The following ZFAND4 variants were observed in gnomAD, a reference collection of about 807,000 sequenced individuals.
ZFAND4 encodes AN1-type zinc finger protein 4.
A neutral mutation model predicts 64.4 loss-of-function variants in ZFAND4; 43 were observed. The observed-to-expected ratio is 0.67, with a 90% CI of 0.52 to 0.86. The LOEUF (loss-of-function observed/expected upper bound fraction) is 0.86. ZFAND4 is among the 40% of genes least tolerant of loss of function. The probability of loss-of-function intolerance (pLI) is 0.00; values close to 1 mark genes in which losing one functional copy is unlikely to be tolerated. For missense variants in ZFAND4, 929 were observed against 859.8 expected, an observed-to-expected ratio of 1.08 and a Z score of -1.01; for synonymous variants, 296 against 305.7, an observed-to-expected ratio of 0.97 and a Z score of 0.33.
At chr10:45,621,964 G>A (rs1020755694) in intron 8 of ZFAND4, among the ~76,000 whole-genome samples, 1 of 152,228 alleles carries the variant, frequency 6.6e-6, no homozygotes, top group African/African-American at 2.4e-5. Context: ...CAGAAGAGCA[G>A]TGAGACGTGA....
intron 1 of ZFAND4, among the ~76,000 whole-genome samples, chr10:45,665,824 A>AT (rs1318780814): frequency 3.3e-5 from 5 of 152,202 alleles, no homozygotes; most frequent in African/African-American, 9.6e-5. Context: ...ATCATATATG[A>AT]TTTTTTTGTG....
Position 45,626,138 on chromosome 10 carries a change from C to A in ZFAND4, c.1685G>T (p.Gly562Val). The A allele has an allele frequency of 6.2e-7, 1 of 1,614,162 alleles. No individual in the cohort carries two copies. The highest frequency in any genetic ancestry group is 8.5e-7 in the Non-Finnish European group (1 of 1,180,042). The change falls in exon 7 of 10, where the codon GGT becomes GTT. Residue 562 changes from glycine to valine, a missense_variant. Physicochemically the swap from Gly to Val is moderately radical, Grantham distance 109. Coordinates refer to ENST00000344646, the MANE Select transcript of ZFAND4 (RefSeq NM_174890.4). ...MTNKASKEPV[G>V]CVNNISFLAS... ...AAGAAAACTGATATTATTTACACAA[C>A]CAACAGGCTCTTTGGAAGCCTTGTT...
At chr10:45,646,006 A>G (rs2047353304) in intron 5 of ZFAND4, among the ~76,000 whole-genome samples, 1 of 152,204 alleles carries the variant, frequency 6.6e-6, no homozygotes, top group South Asian at 2.1e-4. Context: ...TCTAAGATAA[A>G]ATACATAAAA....
rs35142284 is a variant in ZFAND4, at chr10:45,626,067, G to T, written c.1756C>A (p.Arg586Ser). 7.4e-6 allele frequency: 12 copies of T among 1,614,010 alleles called. No homozygotes were observed. In the African/African-American group the frequency reaches 1.2e-4, roughly 16 times the overall value. The part of the protein sequence containing the change: ...STSRNRLQST[R>S]GAGRLQNSGT... ...GAGTTCTGAAGCCTGCCTGCCCCAC[G>T]TGTGCTCTGTAATCTATTTCTGCTT... The change falls in exon 7 of 10, where the codon CGT (arginine) becomes AGT (serine). Residue 586 changes from arginine (R) to serine (S), a missense_variant. Transcript: ENST00000344646.
chr10:45,667,378 T>C (rs1364675764), intron 1 of ZFAND4, among the ~76,000 whole-genome samples: 2 of 151,720 alleles, frequency 1.3e-5, no homozygotes, highest in Non-Finnish European at 2.9e-5. Context: ...ACGCTCTCTA[T>C]AAAAGCTCTA....
intron 8 of ZFAND4, among the ~76,000 whole-genome samples, chr10:45,621,746 A>AAAAC (rs979787606): frequency 2.1e-4 from 32 of 152,160 alleles, no homozygotes; most frequent in Non-Finnish European, 3.2e-4. Context: ...CACCTCACAA[A>AAAAC]AAACAAACAA....
chr10:45,654,497 T>C (rs191719058), intron 2 of ZFAND4, among the ~76,000 whole-genome samples: 1,920 of 151,904 alleles, frequency 0.013, 15 homozygotes, highest in Non-Finnish European at 0.018. Flanking sequence ...CAGGCGCCTG[T>C]AGTAGCAGCT....
chr10:45,656,726 T>C (rs2048146606), intron 2 of ZFAND4, among the ~76,000 whole-genome samples: 5 of 151,968 alleles, frequency 3.3e-5, no homozygotes, highest in Admixed American at 3.3e-4. Context: ...ATACCCAATA[T>C]AATGGTATCA....
At chr10:45,624,489 G>A (rs1008407405) in intron 8 of ZFAND4, 94 bp downstream of exon 8, 6 of 1,131,342 alleles carry the variant, frequency 5.3e-6, no homozygotes, top group Non-Finnish European at 7.9e-6. Context: ...ATGCCACAGA[G>A]AAGGTTCTTC....
chr10:45,632,076 C>T (rs947055025), intron 6 of ZFAND4, among the ~76,000 whole-genome samples: 2 of 152,102 alleles, frequency 1.3e-5, no homozygotes, highest in South Asian at 2.1e-4. Context: ...TACAATTGGC[C>T]GGGCATGGTG....
At chr10:45,660,596 A>G in intron 2 of ZFAND4, among the ~76,000 whole-genome samples, 1 of 152,008 alleles carries the variant, frequency 6.6e-6, no homozygotes, top group East Asian at 1.9e-4. Context: ...CTACCAAAGA[A>G]TCTACACCTT....
At chr10:45,652,090 G>A in intron 3 of ZFAND4, 57 bp from the exon 4 acceptor site, 2 of 1,553,400 alleles carry the variant, frequency 1.3e-6, no homozygotes, top group Non-Finnish European at 1.8e-6. Flanking sequence ...TCAGTTAAAT[G>A]TACACATAAT....
chr10:45,635,109 A>G (rs910413309), intron 6 of ZFAND4, among the ~76,000 whole-genome samples: 1 of 151,182 alleles, frequency 6.6e-6, no homozygotes, highest in Non-Finnish European at 1.5e-5. Flanking sequence ...TCAAAATACC[A>G]ATGACATTTT....
chr10:45,632,198 CA>C (rs965290248), intron 6 of ZFAND4, among the ~76,000 whole-genome samples: 2 of 148,186 alleles, frequency 1.3e-5, no homozygotes, highest in Non-Finnish European at 3.0e-5. Flanking sequence ...AGTAAAGATA[CA>C]AAAAAAAAAT....
chr10:45,618,078 A>G, intron 9 of ZFAND4, 62 bp downstream of exon 9: 2 of 1,547,054 alleles, frequency 1.3e-6, no homozygotes, highest in Non-Finnish European at 1.7e-6. Context: ...TTTATTTTGC[A>G]TAATCCCCAA....
intron 6 of ZFAND4, among the ~76,000 whole-genome samples, chr10:45,632,028 G>A (rs1292444113): frequency 6.6e-6 from 1 of 152,124 alleles, no homozygotes; most frequent in African/African-American, 2.4e-5. Context: ...AAATGTATGG[G>A]GAAACCTACA....
intron 1 of ZFAND4, among the ~76,000 whole-genome samples, chr10:45,668,851 G>A (rs1564642170): frequency 6.6e-6 from 1 of 152,302 alleles, no homozygotes; most frequent in South Asian, 2.1e-4. Flanking sequence ...TGAAACCAAT[G>A]AGAACAAAGA....
chr10:45,619,803 C>T (rs2045279621), intron 8 of ZFAND4, among the ~76,000 whole-genome samples: 1 of 152,004 alleles, frequency 6.6e-6, no homozygotes, highest in Non-Finnish European at 1.5e-5. Context: ...CTTGCCAAAA[C>T]TAGAAACAAA....
intron 6 of ZFAND4, 33 bp from the exon 7 acceptor site, chr10:45,627,138 A>T: frequency 1.3e-6 from 2 of 1,494,726 alleles, no homozygotes; most frequent in Non-Finnish European, 1.8e-6. Context: ...TTCTTTACAC[A>T]GTCGTTTTCT....
Sources: gnomAD v4.1 joint callset for allele counts (sites outside exome capture counted in the v4.1 genomes callset) on GRCh38, gnomAD v4.1.1 for gene constraint, MANE v1.5 for transcripts, NCBI Gene and HGNC (gene_info 2026-07-23, HGNC 2026-07-21) for gene names.